DRC11: variants seen among roughly 807,000 people sequenced by gnomAD.
The protein encoded by DRC11 is dynein regulatory complex subunit 11.
the DRC11 span, among the ~76,000 whole-genome samples, chr2:236,466,776 C>T: frequency 6.6e-6 from 1 of 152,194 alleles, no homozygotes; most frequent in Non-Finnish European, 1.5e-5. Flanking sequence ...GCTCCACCTC[C>T]AACACTGGGA....
the DRC11 span, chr2:236,331,347 G>A: frequency 1.3e-5 from 20 of 1,566,138 alleles, no homozygotes; most frequent in Non-Finnish European, 1.7e-5. This position sits in a 1 kb window ranked among gnomAD's most constrained non-coding sequence, Gnocchi z 4.8. Flanking sequence ...GGTCATCAGG[G>A]TGTTCATTTA....
chr2:236,424,901 G>C, the DRC11 span, among the ~76,000 whole-genome samples: 39 of 151,882 alleles, frequency 2.6e-4, no homozygotes, highest in Non-Finnish European at 1.6e-4. Flanking sequence ...TTATAAGTGA[G>C]ATCATGCAGT....
the DRC11 span, among the ~76,000 whole-genome samples, chr2:236,357,358 T>C: frequency 2.5e-5 from 3 of 119,908 alleles, no homozygotes; most frequent in African/African-American, 7.0e-5. Flanking sequence ...TATATGTATA[T>C]ATATTATAAA....
At chr2:236,496,685 A>G in the DRC11 span, among the ~76,000 whole-genome samples, 1 of 152,232 alleles carries the variant, frequency 6.6e-6, no homozygotes, top group Non-Finnish European at 1.5e-5. The surrounding 1 kb of genome is among the most constrained non-coding windows in gnomAD (Gnocchi z 6.3). Context: ...TCTGAGGCCC[A>G]CTGCCATGTA....
At chr2:236,469,675 G>A in the DRC11 span, among the ~76,000 whole-genome samples, 7 of 152,026 alleles carry the variant, frequency 4.6e-5, no homozygotes, top group East Asian at 5.8e-4. The surrounding 1 kb of genome is among the most constrained non-coding windows in gnomAD (Gnocchi z 5.8). Context: ...TCCTTTCTCC[G>A]GTTGCTTTTG....
chr2:236,399,114 C>T, the DRC11 span, among the ~76,000 whole-genome samples: 8 of 152,006 alleles, frequency 5.3e-5, no homozygotes, highest in South Asian at 8.3e-4. This position sits in a 1 kb window ranked among gnomAD's most constrained non-coding sequence, Gnocchi z 7.0. Context: ...TTCAGCCTCC[C>T]GAGTAGCTGG....
chr2:236,388,452 A>G, the DRC11 span, among the ~76,000 whole-genome samples: 2 of 151,792 alleles, frequency 1.3e-5, no homozygotes, highest in African/African-American at 4.8e-5. Flanking sequence ...AGTTGATCGC[A>G]TCGGCTCCTG....
At chr2:236,331,591 C>T in the DRC11 span, 2 of 1,611,740 alleles carry the variant, frequency 1.2e-6, no homozygotes, top group East Asian at 2.2e-5. This position sits in a 1 kb window ranked among gnomAD's most constrained non-coding sequence, Gnocchi z 4.8. Flanking sequence ...GATTTGCTTC[C>T]ACAGAACTGT....
the DRC11 span, among the ~76,000 whole-genome samples, chr2:236,493,136 G>C: frequency 8.4e-3 from 1,276 of 152,156 alleles, 9 homozygotes; most frequent in East Asian, 0.021. Flanking sequence ...ATCTCATATG[G>C]CGGCAGACAA....
chr2:236,484,000 CTTTA>C, the DRC11 span, among the ~76,000 whole-genome samples: 1 of 152,154 alleles, frequency 6.6e-6, no homozygotes, highest in African/African-American at 2.4e-5. The surrounding 1 kb of genome is among the most constrained non-coding windows in gnomAD (Gnocchi z 4.8). Context: ...GTGGTGACCA[CTTTA>C]TTTATTTTCC....
chr2:236,416,721 TTA>T, the DRC11 span, among the ~76,000 whole-genome samples: 2,348 of 62,710 alleles, frequency 0.037, 34 homozygotes, highest in East Asian at 0.074. Flanking sequence ...ATATATATAT[TTA>T]TATATATATA....
At chr2:236,475,264 T>A in the DRC11 span, among the ~76,000 whole-genome samples, 1 of 152,200 alleles carries the variant, frequency 6.6e-6, no homozygotes, top group African/African-American at 2.4e-5. The surrounding 1 kb of genome is among the most constrained non-coding windows in gnomAD (Gnocchi z 4.8). Context: ...TCATTTAACA[T>A]AATGACCTCC....
the DRC11 span, among the ~76,000 whole-genome samples, chr2:236,397,698 T>G: frequency 6.6e-6 from 1 of 152,184 alleles, no homozygotes; most frequent in Admixed American, 6.5e-5. The surrounding 1 kb of genome is among the most constrained non-coding windows in gnomAD (Gnocchi z 5.0). Context: ...GGGATGTTGT[T>G]GCAGACACAT....
the DRC11 span, among the ~76,000 whole-genome samples, chr2:236,435,879 C>T: frequency 6.6e-6 from 1 of 152,164 alleles, no homozygotes; most frequent in Non-Finnish European, 1.5e-5. Flanking sequence ...GACCTCTGGC[C>T]TATGACAACT....
At chr2:236,402,365 T>G in the DRC11 span, among the ~76,000 whole-genome samples, 1 of 152,316 alleles carries the variant, frequency 6.6e-6, no homozygotes, top group South Asian at 2.1e-4. This position sits in a 1 kb window ranked among gnomAD's most constrained non-coding sequence, Gnocchi z 6.0. Flanking sequence ...CACCACGTCT[T>G]TTTTCAGCTT....
At chr2:236,355,721 ATCTCTC>A in the DRC11 span, among the ~76,000 whole-genome samples, 2,159 of 147,948 alleles carry the variant, frequency 0.015, 19 homozygotes, top group African/African-American at 0.022. Context: ...CTAATTGTAC[ATCTCTC>A]TCTCTCTCTC....
the DRC11 span, among the ~76,000 whole-genome samples, chr2:236,387,563 T>C: frequency 6.6e-6 from 1 of 152,128 alleles, no homozygotes; most frequent in South Asian, 2.1e-4. Flanking sequence ...TGTCTCTGCA[T>C]GTGAGATGGG....
the DRC11 span, among the ~76,000 whole-genome samples, chr2:236,434,602 G>T: frequency 1.7e-4 from 26 of 152,208 alleles, no homozygotes; most frequent in South Asian, 5.2e-3. The surrounding 1 kb of genome is among the most constrained non-coding windows in gnomAD (Gnocchi z 5.5). Flanking sequence ...GTGTGTGGGG[G>T]AACTGTGATT....
chr2:236,479,780 T>C, the DRC11 span, among the ~76,000 whole-genome samples: 1 of 152,218 alleles, frequency 6.6e-6, no homozygotes, highest in Non-Finnish European at 1.5e-5. The surrounding 1 kb of genome is among the most constrained non-coding windows in gnomAD (Gnocchi z 4.1). Flanking sequence ...ACAATTACAG[T>C]ATTAGAGTAA....
Sources: gnomAD v4.1 joint callset for allele counts (sites outside exome capture counted in the v4.1 genomes callset) on GRCh38, gnomAD v4.1.1 for gene constraint, Gnocchi (gnomAD v3.1) non-coding constraint, MANE v1.5 for transcripts, NCBI Gene and HGNC (gene_info 2026-07-23, HGNC 2026-07-21) for gene names.